Variants in SPOCK3 observed in about 807,000 individuals in gnomAD.
The protein encoded by SPOCK3 is SPARC (osteonectin), cwcv and kazal like domains proteoglycan 3, also known as testican-3.
SPOCK3 carries 30 observed loss-of-function variants against 56.6 expected under a neutral mutation model. The observed-to-expected ratio is 0.53, with a 90% confidence interval of 0.40 to 0.72. The LOEUF (loss-of-function observed/expected upper bound fraction) is 0.72, where lower values mean the gene tolerates loss of function less well. Among genes scored for constraint, SPOCK3 ranks in the 30% least tolerant of loss-of-function variants. The pLI, the probability that SPOCK3 is intolerant of heterozygous loss-of-function variation, is 0.00. For missense variants in SPOCK3, 527 were observed against 530.0 expected, an observed-to-expected ratio of 0.99 and a Z score of 0.06; for synonymous variants, 196 against 183.3, an observed-to-expected ratio of 1.07 and a Z score of -0.56.
chr4:166,880,458 T>A (rs1333152081), intron 6 of SPOCK3, among the ~76,000 whole-genome samples: 1 of 152,194 alleles, frequency 6.6e-6, no homozygotes, highest in East Asian at 1.9e-4. Context: ...TTGTTCACTC[T>A]CATGATTTGA....
intron 4 of SPOCK3, among the ~76,000 whole-genome samples, chr4:166,990,134 C>G: frequency 6.6e-6 from 1 of 152,154 alleles, no homozygotes. Context: ...CAGGCACTTT[C>G]CAGAAACAAG....
intron 6 of SPOCK3, among the ~76,000 whole-genome samples, chr4:166,800,208 G>GAAAAAAAAAAAAAAAAAAAAAAAAA (rs1207796263): frequency 5.0e-4 from 57 of 113,006 alleles, no homozygotes; most frequent in East Asian, 3.3e-3. Context: ...AAAAAAAAAT[G>GAAAAAAAAAAAAAAAAAAAAAAAAA]AAAACATGGA....
At chr4:166,882,511 T>C (rs571896396) in intron 6 of SPOCK3, among the ~76,000 whole-genome samples, 1 of 152,280 alleles carries the variant, frequency 6.6e-6, no homozygotes, top group African/African-American at 2.4e-5. Context: ...ATTTTGTAAA[T>C]AGTTGTCTTA....
At chr4:167,076,637 T>C (rs548583054) in intron 2 of SPOCK3, among the ~76,000 whole-genome samples, 1 of 151,984 alleles carries the variant, frequency 6.6e-6, no homozygotes, top group East Asian at 1.9e-4. Flanking sequence ...TTATACTCTG[T>C]ATGTTCACAA....
chr4:167,199,466 C>T (rs1198777643), intron 2 of SPOCK3, among the ~76,000 whole-genome samples: 1 of 151,916 alleles, frequency 6.6e-6, no homozygotes, highest in African/African-American at 2.4e-5. Flanking sequence ...CAAAGACTGG[C>T]CCCTTGCCTC....
Position 166,912,615 on chromosome 4 carries a change from T to C in SPOCK3, c.474+5A>G, listed in dbSNP as rs1327497385. On this transcript the variant is annotated splice_donor_5th_base_variant and intron_variant, in intron 5 of 10. Coordinates refer to ENST00000357545, the MANE Select transcript of SPOCK3 (RefSeq NM_001040159.2). The stretch of plus-strand genomic sequence containing the variant: ...TTCAAACTAAACAACTGTAGGTGTC[T>C]TTACCTGAAAAGAGTAGGTATGACC... 2 of 1,613,526 alleles carry C rather than the reference T, an allele frequency of 1.2e-6. No individual in the cohort carries two copies. Among genetic ancestry groups the C allele is most frequent in the Non-Finnish European group, 1.7e-6 (2 of 1,179,654 alleles).
intron 2 of SPOCK3, among the ~76,000 whole-genome samples, chr4:167,077,529 T>C (rs1561192712): frequency 6.6e-6 from 1 of 151,912 alleles, no homozygotes; most frequent in African/African-American, 2.4e-5. Flanking sequence ...ATATTACATG[T>C]GTTTTAAGTT....
chr4:166,973,662 C>T (rs550882347), intron 4 of SPOCK3, among the ~76,000 whole-genome samples: 2 of 152,008 alleles, frequency 1.3e-5, no homozygotes, highest in Non-Finnish European at 2.9e-5. Context: ...AAATATTTGT[C>T]TGCTATGCCT....
At chr4:166,749,660 A>T (rs1736118536) in intron 8 of SPOCK3, among the ~76,000 whole-genome samples, 1 of 151,914 alleles carries the variant, frequency 6.6e-6, no homozygotes, top group Non-Finnish European at 1.5e-5. Flanking sequence ...AAATAAAAAT[A>T]AAATAATAAA....
chr4:167,020,141 C>T lies in SPOCK3; in HGVS notation c.236-19678G>A, dbSNP rs182761679. ...TTGCTATCTTGCAGTGGAGTGCCTA[C>T]ATAAAAGAAATCTAAAATGTGTGCA... On this transcript the variant is annotated intron_variant, in intron 3 of 10. Coordinates refer to ENST00000357545, the MANE Select transcript of SPOCK3 (RefSeq NM_001040159.2). Among the ~76,000 whole-genome samples the T allele has an allele frequency of 1.1e-4, 16 of 152,118 alleles. No homozygotes were observed. In the East Asian group the frequency reaches 3.1e-3, roughly 29 times the overall value.
intron 5 of SPOCK3, among the ~76,000 whole-genome samples, chr4:166,897,615 G>A (rs563519519): frequency 3.0e-4 from 45 of 152,228 alleles, no homozygotes; most frequent in African/African-American, 9.6e-4. Context: ...TATGCTGCCC[G>A]TGCACTAAGT....
intron 4 of SPOCK3, among the ~76,000 whole-genome samples, chr4:166,994,012 T>C (rs1748088374): frequency 2.0e-5 from 3 of 152,286 alleles, no homozygotes; most frequent in Admixed American, 6.5e-5. Flanking sequence ...GAAATGGAGA[T>C]GGAGCCAGAC....
intron 3 of SPOCK3, among the ~76,000 whole-genome samples, chr4:167,027,974 T>A (rs558061531): frequency 6.6e-6 from 1 of 152,222 alleles, no homozygotes; most frequent in Non-Finnish European, 1.5e-5. Context: ...TGTATTTATA[T>A]TCAATTGTGA....
At chr4:167,057,547 A>G (rs62352390) in intron 3 of SPOCK3, among the ~76,000 whole-genome samples, 56,087 of 150,852 alleles carry the variant, frequency 0.37, 12,499 homozygotes, top group East Asian at 0.65. Flanking sequence ...AACCCATCTC[A>G]TGTGCAGAGA....
At chr4:166,766,649 C>CT (rs1738107267) in intron 7 of SPOCK3, among the ~76,000 whole-genome samples, 2 of 152,182 alleles carry the variant, frequency 1.3e-5, no homozygotes, top group African/African-American at 4.8e-5. Flanking sequence ...CTAAAATTCT[C>CT]TTTTTTTGCT....
intron 2 of SPOCK3, among the ~76,000 whole-genome samples, chr4:167,135,565 T>C (rs1013883687): frequency 1.3e-5 from 2 of 152,120 alleles, no homozygotes; most frequent in Admixed American, 6.6e-5. Flanking sequence ...CAGTGTACTA[T>C]ATGAGTCATA....
intron 4 of SPOCK3, among the ~76,000 whole-genome samples, chr4:166,994,802 T>C (rs1466672817): frequency 6.6e-6 from 1 of 152,140 alleles, no homozygotes; most frequent in Admixed American, 6.6e-5. Flanking sequence ...TTTCTGATTA[T>C]AGCAGTTCTC....
intron 6 of SPOCK3, among the ~76,000 whole-genome samples, chr4:166,803,831 G>T (rs553756580): frequency 6.6e-6 from 1 of 152,242 alleles, no homozygotes; most frequent in African/African-American, 2.4e-5. Context: ...AGAGCAGTGA[G>T]ATGTTCTTAT....
Position 166,792,243 on chromosome 4 carries a change from G to A in SPOCK3, c.636C>T (p.Asp212=), listed in dbSNP as rs1214701206. The part of the protein sequence containing the change: ...EFREVANRLR[D]WFKALHESGS... ...CACTTTCATGAAGGGCCTTGAACCA[G>A]TCCCGCAATCTGTTTGCCACTTCCC... The change falls in exon 7 of 11, where the codon GAC becomes GAT. Residue 212 remains aspartate, a synonymous_variant. Coordinates refer to ENST00000357545, the MANE Select transcript of SPOCK3 (RefSeq NM_001040159.2). 1 of 1,613,818 alleles carries A rather than the reference G, an allele frequency of 6.2e-7. No individual in the cohort carries two copies. The highest frequency in any genetic ancestry group is 1.1e-5 in the South Asian group (1 of 91,078).
Sources: allele counts gnomAD v4.1 joint callset (sites outside exome capture counted in the v4.1 genomes callset), GRCh38; gene constraint gnomAD v4.1.1; transcripts MANE v1.5; gene names NCBI Gene and HGNC (gene_info 2026-07-23, HGNC 2026-07-21).